MAML2: variants seen among roughly 807,000 people sequenced by gnomAD.
MAML2 encodes the protein mastermind-like protein 2.
A neutral mutation model predicts 96.1 loss-of-function variants in MAML2; 22 were observed. That is an observed-to-expected ratio of 0.23 (90% CI 0.16 to 0.33). The LOEUF (loss-of-function observed/expected upper bound fraction) is 0.33. MAML2 is among the 10% of genes least tolerant of loss of function. MAML2 has a pLI of 1.00. For synonymous variants in MAML2, 561 were observed against 521.3 expected, an observed-to-expected ratio of 1.08 and a Z score of -1.04; for missense variants, 1,367 against 1,392.4, an observed-to-expected ratio of 0.98 and a Z score of 0.29.
chr11:96,088,585 T>C (rs1859654935), intron 2 of MAML2, among the ~76,000 whole-genome samples: 2 of 152,144 alleles, frequency 1.3e-5, no homozygotes, highest in South Asian at 4.1e-4. Context: ...AGCCAAGAGG[T>C]ATCTCCATGT....
intron 1 of MAML2, among the ~76,000 whole-genome samples, chr11:96,211,082 G>A (rs951275541): frequency 6.6e-6 from 1 of 152,148 alleles, no homozygotes; most frequent in Admixed American, 6.5e-5. Flanking sequence ...ATTACCTTAT[G>A]TATAATGGTT....
chr11:96,123,013 C>G (rs1237938511), intron 1 of MAML2, among the ~76,000 whole-genome samples: 1 of 152,230 alleles, frequency 6.6e-6, no homozygotes, highest in Non-Finnish European at 1.5e-5. Flanking sequence ...TCCATCTATT[C>G]AAAACCATTC....
chr11:95,985,550 T>G lies in MAML2; in HGVS notation c.2436A>C (p.Gln812His). The change falls in exon 4 of 5, where the codon CAA becomes CAC. Residue 812 changes from glutamine to histidine, a missense_variant. Physicochemically the swap from Gln to His is conservative, Grantham distance 24 (BLOSUM62 0). Transcript: ENST00000524717. ...KDQRRNVGNM[Q>H]PTAQYSGGSS... is the part of the protein sequence containing the mutation. Reference sequence around the variant, plus strand: ...ACTTACCAGAATACTGAGCAGTTGGTTGCATATTGCCCACATTTCTTCTTT... The same window carrying G: ...ACTTACCAGAATACTGAGCAGTTGGGTGCATATTGCCCACATTTCTTCTTT... 6.2e-7 allele frequency: 1 copy of G among 1,607,820 alleles called. No homozygotes were observed. The highest frequency in any genetic ancestry group is 8.5e-7 in the Non-Finnish European group (1 of 1,175,088).
chr11:96,118,851 A>G (rs1161644873), intron 1 of MAML2, among the ~76,000 whole-genome samples: 1 of 152,046 alleles, frequency 6.6e-6, no homozygotes, highest in East Asian at 1.9e-4. Flanking sequence ...ATCAAAGACA[A>G]AAAAAAATTC....
rs115156497 is a variant in MAML2 at position 96,223,693 on chromosome 11, G to A, written c.513+117690C>T. Among the ~76,000 whole-genome samples the A allele has an allele frequency of 3.0e-3, 452 of 151,982 alleles. 1 individual carries two copies. The highest frequency in any genetic ancestry group is 0.01 in the African/African-American group (425 of 41,480). ...CAGTAATAAGCATAGAACTCGATAGGTATTTTTTTCGGATCCTCTCTCCGC... is the reference window on the plus strand; with the variant it reads ...CAGTAATAAGCATAGAACTCGATAGATATTTTTTTCGGATCCTCTCTCCGC... On this transcript the variant is annotated intron_variant, in intron 1 of 4. Coordinates refer to ENST00000524717, the MANE Select transcript of MAML2 (RefSeq NM_032427.4).
chr11:96,118,324 G>A (rs1860278571), intron 1 of MAML2, among the ~76,000 whole-genome samples: 1 of 152,104 alleles, frequency 6.6e-6, no homozygotes, highest in Non-Finnish European at 1.5e-5. Flanking sequence ...ATGGTGATTG[G>A]ATCATGGGGG....
intron 2 of MAML2, among the ~76,000 whole-genome samples, chr11:95,992,083 C>T (rs1360531769): frequency 2.6e-5 from 4 of 152,188 alleles, no homozygotes; most frequent in African/African-American, 9.7e-5. Context: ...CAAATCCTTC[C>T]TTTTCCCAAA....
At chr11:96,121,780 A>ATTTTTTTTTTGTTTTTTTTTTTTTTTTTT (rs1860346664) in intron 1 of MAML2, among the ~76,000 whole-genome samples, 1 of 35,238 alleles carries the variant, frequency 2.8e-5, no homozygotes, top group Non-Finnish European at 4.9e-5. Context: ...CAACTGCGTG[A>ATTTTTTTTTTGTTTTTTTTTTTTTTTTTT]TTTTTTTTTT....
At chr11:96,030,574 G>A (rs1205703691) in intron 2 of MAML2, among the ~76,000 whole-genome samples, 3 of 152,098 alleles carry the variant, frequency 2.0e-5, no homozygotes, top group Non-Finnish European at 4.4e-5. Flanking sequence ...TTACACCATG[G>A]CATCCCCAAA....
chr11:96,302,615 A>T (rs1863403706), intron 1 of MAML2, among the ~76,000 whole-genome samples: 1 of 152,160 alleles, frequency 6.6e-6, no homozygotes, highest in African/African-American at 2.4e-5. Context: ...AGGATTTTCC[A>T]CTTCTTGCTA....
At chr11:96,212,699 G>A (rs1344673244) in intron 1 of MAML2, among the ~76,000 whole-genome samples, 1 of 152,120 alleles carries the variant, frequency 6.6e-6, no homozygotes, top group Non-Finnish European at 1.5e-5. Context: ...CGGCAGAAGA[G>A]AGAAAGAAGG....
intron 1 of MAML2, among the ~76,000 whole-genome samples, chr11:96,196,893 T>C (rs7105988): frequency 0.15 from 22,091 of 150,420 alleles, 1,691 homozygotes; most frequent in East Asian, 0.2. Context: ...TTTTTTTTTT[T>C]TTCAATAGGA....
At chr11:96,304,202 C>G (rs974504436) in intron 1 of MAML2, among the ~76,000 whole-genome samples, 1 of 152,146 alleles carries the variant, frequency 6.6e-6, no homozygotes, top group Admixed American at 6.5e-5. Flanking sequence ...GACACTGATT[C>G]TACTGCTGAG....
intron 1 of MAML2, among the ~76,000 whole-genome samples, chr11:96,289,775 C>T (rs1863185089): frequency 6.6e-6 from 1 of 152,048 alleles, no homozygotes; most frequent in Non-Finnish European, 1.5e-5. Flanking sequence ...GTGTGCCTAA[C>T]ATTCTCAGTG....
rs11021541 is a variant in MAML2 at position 96,341,713 on chromosome 11, A to G, written c.183T>C (p.Gly61=). The G allele has an allele frequency of 5.8e-4, 929 of 1,611,994 alleles. 6 individuals carry two copies. In the African/African-American group the frequency reaches 0.011, roughly 20 times the overall value. Reference sequence around the variant, plus strand: ...TTTCCCGGTCTGAGCTCTCGGCCCTACCTCGTTCATATCGTCCTTCACAGC... The same window carrying G: ...TTTCCCGGTCTGAGCTCTCGGCCCTGCCTCGTTCATATCGTCCTTCACAGC... ...HLSCEGRYER[G]RAESSDRERE... The change falls in exon 1 of 5, where the codon GGT becomes GGC. Residue 61 remains glycine, a synonymous_variant. Coordinates refer to ENST00000524717, the MANE Select transcript of MAML2 (RefSeq NM_032427.4).
intron 1 of MAML2, among the ~76,000 whole-genome samples, chr11:96,143,905 G>A (rs757389192): frequency 3.3e-5 from 5 of 152,236 alleles, no homozygotes; most frequent in Admixed American, 6.5e-5. Context: ...GGAATCAGAT[G>A]TAGCTTTCCA....
At chr11:96,194,202 G>C (rs1393762944) in intron 1 of MAML2, among the ~76,000 whole-genome samples, 1 of 152,222 alleles carries the variant, frequency 6.6e-6, no homozygotes, top group African/African-American at 2.4e-5. Context: ...ATGGTCAATT[G>C]AACTGGAGGC....
intron 2 of MAML2, among the ~76,000 whole-genome samples, chr11:96,034,060 T>G (rs914627360): frequency 2.6e-5 from 4 of 152,194 alleles, no homozygotes; most frequent in African/African-American, 9.7e-5. Flanking sequence ...TTAAACTCTT[T>G]GGGGAAAGAA....
In MAML2 at chr11:96,287,519, TA is replaced by T. The variant is rs549567362; in HGVS notation, c.513+53863del. Among the ~76,000 whole-genome samples, 298 of 152,292 alleles carry T rather than the reference TA, an allele frequency of 2.0e-3. 1 individual carries two copies. Among genetic ancestry groups the T allele is most frequent in the African/African-American group, 6.8e-3 (284 of 41,564 alleles). ...TACAACTGGCATTCTAAAGCAAAAA[TA>T]AACTAAGAAAATTTAATTTCATATA... On this transcript the variant is annotated intron_variant, in intron 1 of 4. Coordinates refer to ENST00000524717, the MANE Select transcript of MAML2 (RefSeq NM_032427.4).
Sources: allele counts gnomAD v4.1 joint callset (sites outside exome capture counted in the v4.1 genomes callset), GRCh38; gene constraint gnomAD v4.1.1; transcripts MANE v1.5; gene names NCBI Gene and HGNC (gene_info 2026-07-23, HGNC 2026-07-21).